The following CD276 variants were observed in gnomAD, a reference collection of about 807,000 sequenced individuals.
CD276 encodes CD276 molecule.
CD276 carries 34 observed loss-of-function variants against 50.0 expected under a neutral mutation model. That is an observed-to-expected ratio of 0.68 (90% confidence interval 0.52 to 0.91). The LOEUF (loss-of-function observed/expected upper bound fraction) is 0.91. CD276 is among the 40% of genes least tolerant of loss of function. The pLI, the probability that CD276 is intolerant of heterozygous loss-of-function variation, is 0.00. For missense variants in CD276, 634 were observed against 717.5 expected (o/e 0.88, Z 1.33); for synonymous variants, 275 against 313.0 (o/e 0.88, Z 1.28).
chr15:73,702,454 G>A lies in CD276; in HGVS notation c.279G>A (p.Thr93=), dbSNP rs533104372. Residue 93 remains threonine, a synonymous_variant, in exon 3 of 10, where the codon ACG becomes ACA. Coordinates refer to ENST00000318443, the MANE Select transcript of CD276 (RefSeq NM_001024736.2). The part of the protein sequence containing the change: ...QDQGSAYANR[T]ALFPDLLAQG... ...AGGGCAGCGCCTATGCCAACCGCAC[G>A]GCCCTCTTCCCGGACCTGCTGGCAC... 3.0e-5 allele frequency: 49 copies of A among 1,613,726 alleles called. No individual in the cohort carries two copies. Among genetic ancestry groups the A allele is most frequent in the African/African-American group, 2.7e-4 (20 of 75,042 alleles).
At chr15:73,702,743 C>T (rs773169070) in intron 3 of CD276, 29 bp from the exon 4 acceptor site, 7 of 1,598,386 alleles carry the variant, frequency 4.4e-6, no homozygotes, top group Middle Eastern at 1.6e-4. Flanking sequence ...ATTGCCCTGC[C>T]CTTGACCCCT....
In CD276 at chr15:73,703,979, G is replaced by A. The variant is rs377240904; in HGVS notation, c.1054G>A (p.Val352Ile). The change falls in exon 5 of 10, where the codon GTC (valine) becomes ATC (isoleucine). Residue 352 changes from valine (V) to isoleucine (I), a missense_variant. Transcript: ENST00000318443. The part of the protein sequence containing the change: ...VSIRDFGSAA[V>I]SLQVAAPYSK... ...CATCCGGGATTTCGGCAGCGCTGCC[G>A]TCAGCCTGCAGGTGGCCGGTGAGCA... is the stretch of plus-strand genomic sequence containing the variant. 1.1e-5 allele frequency: 18 copies of A among 1,610,098 alleles called. No homozygotes were observed. The highest frequency in any genetic ancestry group is 1.5e-5 in the Non-Finnish European group (18 of 1,179,156).
chr15:73,708,551 A>G (rs1900746527), intron 7 of CD276, 78 bp downstream of exon 7: 23 of 1,491,612 alleles, frequency 1.5e-5, no homozygotes, highest in African/African-American at 2.8e-5. Flanking sequence ...TGATGTCAAT[A>G]GAGTGTCACT....
chr15:73,707,124 G>A (rs1900678642), intron 6 of CD276, among the ~76,000 whole-genome samples: 1 of 152,236 alleles, frequency 6.6e-6, no homozygotes. Flanking sequence ...GACATCTGCA[G>A]ATCCATGCAC....
chr15:73,711,334 C>T, intron 9 of CD276, 164 bp downstream of exon 9: 1 of 699,670 alleles, frequency 1.4e-6, no homozygotes, highest in South Asian at 1.7e-5. Context: ...GCTGAGTAAC[C>T]AAGGTCCCAG....
chr15:73,713,132 T>A lies in CD276; in HGVS notation c.*176T>A. ...AGCCTTATTTCTCCAATGGACATGA[T>A]TCCCAAGTCATCCTGCTGCCTTTTT... On this transcript the variant is annotated 3_prime_UTR_variant, in exon 10 of 10. Coordinates refer to ENST00000318443, the MANE Select transcript of CD276 (RefSeq NM_001024736.2). 1.7e-6 allele frequency: 1 copy of A among 573,324 alleles called. No homozygotes were observed. Among genetic ancestry groups the A allele is most frequent in the Non-Finnish European group, 3.0e-6 (1 of 328,708 alleles). 35.5% of individuals were successfully genotyped at this position (573,324 alleles called of 1,614,324 possible).
At chr15:73,707,079 GAGC>G (rs1417259341) in intron 6 of CD276, among the ~76,000 whole-genome samples, 1 of 152,220 alleles carries the variant, frequency 6.6e-6, no homozygotes, top group East Asian at 1.9e-4. Flanking sequence ...CCAATGGCCA[GAGC>G]AGCAGTTTTG....
rs1435172384 is a variant in CD276, at chr15:73,702,335, C to T, written c.160C>T (p.Pro54Ser). The T allele has an allele frequency of 6.2e-6, 10 of 1,613,460 alleles. No homozygotes were observed. The highest frequency in any genetic ancestry group is 1.3e-5 in the African/African-American group (1 of 74,942). The change falls in exon 3 of 10, where the codon CCT becomes TCT. Residue 54 changes from proline to serine, a missense_variant. Pro to Ser is a moderately conservative substitution (Grantham distance 74). Coordinates refer to ENST00000318443, the MANE Select transcript of CD276 (RefSeq NM_001024736.2). ...TGCCACCCTGTGCTGCTCCTTCTCC[C>T]CTGAGCCTGGCTTCAGCCTGGCACA... ...TDATLCCSFSPEPGFSLAQLN... is the reference protein window; with the variant it reads ...TDATLCCSFSSEPGFSLAQLN...
chr15:73,704,961 G>A lies in CD276; in HGVS notation c.1369+489G>A, dbSNP rs757362738. Among the ~76,000 whole-genome samples, 1 of 152,236 alleles carries A rather than the reference G, an allele frequency of 6.6e-6. No homozygotes were observed. Among genetic ancestry groups the A allele is most frequent in the Non-Finnish European group, 1.5e-5 (1 of 68,036 alleles). The stretch of plus-strand genomic sequence containing the variant: ...AGACTTGCGCTCCACCCAGGCAGCC[G>A]TTGGATGGGCAGGGGCTGTCTCTGC... On this transcript the variant is annotated intron_variant, in intron 6 of 9. Transcript: ENST00000318443. The surrounding 1 kb of genome is among the most constrained non-coding windows in gnomAD (Gnocchi z 4.1).
intron 9 of CD276, 117 bp downstream of exon 9, chr15:73,711,287 G>C (rs747069322): frequency 8.9e-7 from 1 of 1,121,348 alleles, no homozygotes; most frequent in Non-Finnish European, 1.3e-6. Flanking sequence ...CTCTGCAGAA[G>C]AGCAGCCTCA....
At chr15:73,706,515 G>T (rs1025746443) in intron 6 of CD276, among the ~76,000 whole-genome samples, 4 of 152,224 alleles carry the variant, frequency 2.6e-5, no homozygotes, top group Non-Finnish European at 4.4e-5. Flanking sequence ...CCAGTGCCCT[G>T]CAGTGAGGAG....
In CD276 at chr15:73,703,651, GC is replaced by G. The variant is rs1900507992; in HGVS notation, c.734-3del. 6.3e-7 allele frequency: 1 copy of G among 1,598,636 alleles called. No individual in the cohort carries two copies. On this transcript the variant is annotated splice_region_variant and splice_polypyrimidine_tract_variant and intron_variant, in intron 4 of 9. Transcript: ENST00000318443. ...CTCACCACCCTGCCCCTCTGACCCC[GC>G]CCCCAGGAGCCGTGGAGGTCCAGGT...
chr15:73,689,057 G>T (rs1446076777), intron 1 of CD276, among the ~76,000 whole-genome samples: 2 of 152,072 alleles, frequency 1.3e-5, no homozygotes, highest in South Asian at 4.1e-4. Flanking sequence ...CGAAATCTGC[G>T]CTCTGATGTG....
chr15:73,691,549 A>G (rs920795306), intron 1 of CD276, among the ~76,000 whole-genome samples: 3 of 152,162 alleles, frequency 2.0e-5, no homozygotes, highest in Non-Finnish European at 4.4e-5. Context: ...GAGTGGGGGC[A>G]GGGCAGGTTT....
chr15:73,700,967 G>A (rs1263255859), intron 2 of CD276, among the ~76,000 whole-genome samples: 9 of 24,628 alleles, frequency 3.7e-4, no homozygotes, highest in South Asian at 1.3e-3. Context: ...GCAGTGGCGC[G>A]ATCTCGGCTC....
chr15:73,694,901 G>A (rs1206143240), intron 1 of CD276, among the ~76,000 whole-genome samples: 1 of 152,216 alleles, frequency 6.6e-6, no homozygotes, highest in Non-Finnish European at 1.5e-5. Context: ...TCGGGAGGCT[G>A]AGGCAGGAGG....
At chr15:73,707,406 C>T (rs1240634748) in intron 6 of CD276, among the ~76,000 whole-genome samples, 3 of 152,152 alleles carry the variant, frequency 2.0e-5, no homozygotes, top group African/African-American at 7.2e-5. Flanking sequence ...AGCTTTGGGT[C>T]CTCAACTTCA....
chr15:73,691,474 A>G (rs1291293993), intron 1 of CD276, among the ~76,000 whole-genome samples: 1 of 152,222 alleles, frequency 6.6e-6, no homozygotes, highest in Non-Finnish European at 1.5e-5. Flanking sequence ...CTGCAGCAGC[A>G]AGGCTCTGGG....
At position 73,699,689 on chromosome 15, in the gene CD276, C is replaced by T. The variant is rs1900302819; in HGVS notation, c.50C>T (p.Ala17Val). The T allele has an allele frequency of 3.7e-6, 6 of 1,611,034 alleles. No individual in the cohort carries two copies. Among genetic ancestry groups the T allele is most frequent in the Non-Finnish European group, 4.2e-6 (5 of 1,178,408 alleles). Residue 17 changes from alanine to valine, a missense_variant, in exon 2 of 10, where the codon GCC becomes GTC. Transcript: ENST00000318443. ...SPGMGVHVGA[A>V]LGALWFCLTG... Reference sequence around the variant, plus strand: ...GGCATGGGTGTGCATGTGGGTGCAGCCCTGGGAGCACTGTGGTTCTGCCTC... The same window carrying T: ...GGCATGGGTGTGCATGTGGGTGCAGTCCTGGGAGCACTGTGGTTCTGCCTC...
Sources: allele counts gnomAD v4.1 joint callset (sites outside exome capture counted in the v4.1 genomes callset), GRCh38; gene constraint gnomAD v4.1.1; non-coding constraint Gnocchi (gnomAD v3.1); transcripts MANE v1.5; gene names NCBI Gene and HGNC (gene_info 2026-07-23, HGNC 2026-07-21).